ZNF600: variants seen among roughly 807,000 people sequenced by gnomAD.
The protein encoded by ZNF600 is zinc finger protein 600.
ZNF600 carries 4 observed loss-of-function variants against 7.3 expected under a neutral mutation model. The observed-to-expected ratio is 0.55, with a 90% confidence interval of 0.27 to 1.25. ZNF600 has a LOEUF of 1.25. Ranked by LOEUF, ZNF600 falls within the 50% of genes most tolerant of loss-of-function variation. The probability of loss-of-function intolerance (pLI) is 0.12; values close to 1 mark genes in which losing one functional copy is unlikely to be tolerated. For synonymous variants in ZNF600, 290 were observed against 308.9 expected, an observed-to-expected ratio of 0.94 and a Z score of 0.64; for missense variants, 911 against 922.1, an observed-to-expected ratio of 0.99 and a Z score of 0.16.
the ZNF600 span, chr19:52,814,395 A>T: frequency 6.8e-6 from 1 of 146,542 alleles, no homozygotes; most frequent in South Asian, 2.3e-4. Context: ...GTTCAAGACC[A>T]GCATGGCCAA....
chr19:52,819,370 C>A, the ZNF600 span, among the ~76,000 whole-genome samples: 1 of 142,706 alleles, frequency 7.0e-6, no homozygotes, highest in South Asian at 2.4e-4. Context: ...CTTTCTGAGT[C>A]TACCACTCTC....
intron 2 of ZNF600, among the ~76,000 whole-genome samples, chr19:52,776,765 T>TGA (rs1555801705): frequency 6.6e-6 from 1 of 151,760 alleles, no homozygotes; most frequent in East Asian, 1.9e-4. Context: ...TTATAAAAAA[T>TGA]AACTTATTGC....
At chr19:52,767,765 A>C (rs2062600724) in exon 4 of ZNF600, 1 of 1,562,052 alleles carries the variant, frequency 6.4e-7, no homozygotes, top group African/African-American at 1.4e-5. Context: ...TGCGTTTGGA[A>C]GAGATATCTA....
At chr19:52,804,419 G>A in the ZNF600 span, among the ~76,000 whole-genome samples, 6 of 152,162 alleles carry the variant, frequency 3.9e-5, no homozygotes, top group African/African-American at 1.2e-4. Context: ...CTCCCGGTCT[G>A]GAGTAGAGTA....
the ZNF600 span, chr19:52,801,225 T>G: frequency 6.2e-7 from 1 of 1,614,194 alleles, no homozygotes; most frequent in South Asian, 1.1e-5. Context: ...CATGTGTACA[T>G]TCCGTTTTTG....
the ZNF600 span, chr19:52,801,687 C>A: frequency 3.7e-6 from 6 of 1,611,020 alleles, no homozygotes; most frequent in Non-Finnish European, 5.1e-6. Flanking sequence ...CTTCATCATG[C>A]ATTTGGAAGA....
chr19:52,814,809 C>T, the ZNF600 span, among the ~76,000 whole-genome samples: 1 of 146,170 alleles, frequency 6.8e-6, no homozygotes, highest in Non-Finnish European at 1.5e-5. Context: ...CTCGCTTGAA[C>T]CAGGAAGGCA....
chr19:52,776,974 A>G (rs544846444), intron 2 of ZNF600, among the ~76,000 whole-genome samples: 8 of 152,188 alleles, frequency 5.3e-5, no homozygotes, highest in Non-Finnish European at 1.0e-4. Flanking sequence ...TGCCTGGACA[A>G]CAGAGACTCA....
the ZNF600 span, chr19:52,801,588 C>A: frequency 4.3e-6 from 7 of 1,614,010 alleles, no homozygotes; most frequent in Non-Finnish European, 5.9e-6. Context: ...TTTCTGGAAG[C>A]AAAAATCTCC....
At chr19:52,787,556 G>A (rs186796633), upstream of ZNF600, among the ~76,000 whole-genome samples, 164 of 150,114 alleles carry the variant, frequency 1.1e-3, 1 homozygote, top group African/African-American at 1.8e-3. Context: ...ACAGGAGCCC[G>A]CCTAACCCAA....
the ZNF600 span, chr19:52,800,568 A>G: frequency 6.2e-7 from 1 of 1,613,194 alleles, no homozygotes; most frequent in Non-Finnish European, 8.5e-7. Flanking sequence ...ATGTTTTGCC[A>G]GGTATGAATT....
intron 1 of ZNF600, among the ~76,000 whole-genome samples, chr19:52,779,734 G>A (rs780109776): frequency 4.6e-5 from 7 of 152,036 alleles, no homozygotes; most frequent in Admixed American, 2.0e-4. Context: ...TGCCTCCTTC[G>A]AAAGACTAAT....
chr19:52,807,836 C>A, the ZNF600 span: 2 of 1,122,594 alleles, frequency 1.8e-6, no homozygotes, highest in South Asian at 3.1e-5. Context: ...ATGAAGAATG[C>A]AGAACCTCTA....
chr19:52,830,895 G>A, the ZNF600 span, among the ~76,000 whole-genome samples: 29 of 139,816 alleles, frequency 2.1e-4, 3 homozygotes, highest in African/African-American at 5.7e-4. Context: ...AATTCCACCA[G>A]GATAGACCAA....
the ZNF600 span, chr19:52,800,935 A>G: frequency 1.9e-6 from 3 of 1,614,170 alleles, no homozygotes; most frequent in East Asian, 2.2e-5. Flanking sequence ...ACTTTGTCAC[A>G]TTCTTCACAT....
the ZNF600 span, chr19:52,801,049 T>C: frequency 6.2e-6 from 10 of 1,614,186 alleles, no homozygotes; most frequent in East Asian, 2.2e-4. Flanking sequence ...TTCTCATCAA[T>C]GTGAGATCTA....
At chr19:52,798,476 G>C in the ZNF600 span, 4 of 480,968 alleles carry the variant, frequency 8.3e-6, no homozygotes, top group Non-Finnish European at 1.7e-5. Context: ...GGTCTGCAAG[G>C]AGTGATCTCG....
intron 1 of ZNF600, 66 bp downstream of exon 1, chr19:52,786,529 G>C (rs905497650): frequency 6.0e-6 from 1 of 166,022 alleles, no homozygotes; most frequent in Non-Finnish European, 1.4e-5. Flanking sequence ...ATAGCAGAAA[G>C]ACCGGGGACG....
At chr19:52,815,465 C>T in the ZNF600 span, among the ~76,000 whole-genome samples, 11 of 145,038 alleles carry the variant, frequency 7.6e-5, no homozygotes, top group Non-Finnish European at 1.5e-4. Context: ...TGCAGTGAGC[C>T]GAGATCATGC....
Sources: allele counts gnomAD v4.1 joint callset (sites outside exome capture counted in the v4.1 genomes callset), GRCh38; gene constraint gnomAD v4.1.1; transcripts MANE v1.5; gene names NCBI Gene and HGNC (gene_info 2026-07-23, HGNC 2026-07-21).